The following LRRC7 variants were observed in gnomAD, a reference collection of about 807,000 sequenced individuals.
LRRC7 encodes leucine rich repeat containing 7.
Under a neutral mutation model 175.7 loss-of-function variants are expected in LRRC7, and 23 were observed. That is an observed-to-expected ratio of 0.13 (90% confidence interval 0.09 to 0.19). The LOEUF is 0.19. Ranked by LOEUF, LRRC7 falls within the 10% of genes least tolerant of loss-of-function variation. The pLI, the probability that LRRC7 is intolerant of heterozygous loss-of-function variation, is 1.00. For missense variants in LRRC7, 1,354 were observed against 1,904.7 expected, an observed-to-expected ratio of 0.71 and a Z score of 5.38; for synonymous variants, 685 against 680.9, an observed-to-expected ratio of 1.01 and a Z score of -0.09.
intron 1 of LRRC7, among the ~76,000 whole-genome samples, chr1:69,660,175 G>A (rs1657246953): frequency 6.6e-6 from 1 of 151,894 alleles, no homozygotes; most frequent in African/African-American, 2.4e-5. Flanking sequence ...CAGATAAGCA[G>A]ATTTTAAGGC....
intron 2 of LRRC7, among the ~76,000 whole-genome samples, chr1:69,718,143 AG>A (rs1443031872): frequency 4.3e-5 from 1 of 23,462 alleles, no homozygotes; most frequent in Non-Finnish European, 1.1e-4. Context: ...AGAAAGAGAG[AG>A]AAAGAAAGAA....
intron 7 of LRRC7, among the ~76,000 whole-genome samples, chr1:69,921,961 T>C (rs1430052001): frequency 1.3e-5 from 2 of 152,182 alleles, no homozygotes; most frequent in Non-Finnish European, 1.5e-5. Flanking sequence ...TTCTCACTCT[T>C]GTCCCCCAGG....
chr1:69,717,936 G>GAAAGAAAGA, intron 2 of LRRC7, among the ~76,000 whole-genome samples: 1 of 72,806 alleles, frequency 1.4e-5, no homozygotes, highest in Admixed American at 1.3e-4. Flanking sequence ...AGAAAAGAAA[G>GAAAGAAAGA]AAAGAAAGAA....
chr1:69,867,106 G>A (rs74087780), intron 7 of LRRC7, among the ~76,000 whole-genome samples: 3,518 of 152,006 alleles, frequency 0.023, 122 homozygotes, highest in African/African-American at 0.081. Flanking sequence ...TTTTATTTTC[G>A]TTCTGATTAT....
intron 1 of LRRC7, among the ~76,000 whole-genome samples, chr1:69,644,288 TTCTC>T (rs1654674447): frequency 6.6e-6 from 1 of 152,090 alleles, no homozygotes; most frequent in Non-Finnish European, 1.5e-5. Flanking sequence ...ATTTTTGTAT[TTCTC>T]TCTTTTTTTC....
intron 21 of LRRC7, among the ~76,000 whole-genome samples, chr1:70,041,696 G>A (rs1571146837): frequency 6.6e-6 from 1 of 152,206 alleles, no homozygotes; most frequent in Non-Finnish European, 1.5e-5. Flanking sequence ...AGTAATTTGA[G>A]GCAACAGAGG....
intron 1 of LRRC7, among the ~76,000 whole-genome samples, chr1:69,609,628 G>C (rs1569907053): frequency 6.6e-6 from 1 of 152,068 alleles, no homozygotes; most frequent in East Asian, 1.9e-4. Flanking sequence ...TGCTCAGCTG[G>C]TACATAGAAT....
chr1:69,740,404 C>A (rs144695397), intron 2 of LRRC7, among the ~76,000 whole-genome samples: 2 of 151,994 alleles, frequency 1.3e-5, no homozygotes, highest in Non-Finnish European at 2.9e-5. Flanking sequence ...GGGGCCTCAA[C>A]TTTGTGACCT....
intron 18 of LRRC7, among the ~76,000 whole-genome samples, chr1:70,031,851 T>C (rs1409097690): frequency 1.3e-5 from 2 of 151,298 alleles, no homozygotes; most frequent in Non-Finnish European, 2.9e-5. Context: ...CAGGCTGGAG[T>C]GCAGTGGTGC....
chr1:69,788,330 C>T (rs1282296244), intron 3 of LRRC7, among the ~76,000 whole-genome samples: 5 of 152,172 alleles, frequency 3.3e-5, no homozygotes, highest in African/African-American at 1.2e-4. Flanking sequence ...TCATTTTATA[C>T]AATAAAGCAG....
intron 2 of LRRC7, among the ~76,000 whole-genome samples, chr1:69,686,660 T>C (rs1383335467): frequency 1.3e-5 from 2 of 151,630 alleles, no homozygotes; most frequent in African/African-American, 4.8e-5. Flanking sequence ...ACCTAGAGGA[T>C]GTGAAGGAAA....
Position 69,934,497 on chromosome 1 carries a change from G to T in LRRC7, c.711+2927G>T, listed in dbSNP as rs1388299293. ...GAGAACATAATAGATATTTTGGCGG[G>T]GGGGGGGCGGGGGGTGGGGGGTTTT... On this transcript the variant is annotated intron_variant, in intron 8 of 26. Coordinates refer to ENST00000651989, the MANE Select transcript of LRRC7 (RefSeq NM_001370785.2). Among the ~76,000 whole-genome samples the T allele has an allele frequency of 5.7e-4, 58 of 100,920 alleles. 1 individual carries two copies. The highest frequency in any genetic ancestry group is 4.1e-3 in the East Asian group (10 of 2,428). 66.2% of individuals were successfully genotyped at this position (100,920 alleles called of 152,430 possible).
At chr1:69,698,923 C>T (rs1336998042) in intron 2 of LRRC7, among the ~76,000 whole-genome samples, 4 of 152,188 alleles carry the variant, frequency 2.6e-5, no homozygotes, top group Non-Finnish European at 5.9e-5. Flanking sequence ...CTGTAACTCT[C>T]TGTCTGTCTG....
Position 69,838,217 on chromosome 1 carries a change from A to C in LRRC7, c.591-10A>C, listed in dbSNP as rs776624843. On this transcript the variant is annotated splice_polypyrimidine_tract_variant and intron_variant, in intron 6 of 26. Transcript: ENST00000651989. ...TACTAAGAGGAAATTTTTAAAATTCATTTCTGTAGACTTGTCAAATTGCGG... is the reference window on the plus strand; with the variant it reads ...TACTAAGAGGAAATTTTTAAAATTCCTTTCTGTAGACTTGTCAAATTGCGG... 6.2e-7 allele frequency: 1 copy of C among 1,604,940 alleles called. No individual in the cohort carries two copies. The highest frequency in any genetic ancestry group is 1.7e-5 in the Admixed American group (1 of 59,480).
intron 22 of LRRC7, among the ~76,000 whole-genome samples, chr1:70,051,834 G>C (rs1247920526): frequency 1.3e-5 from 2 of 151,952 alleles, no homozygotes; most frequent in Non-Finnish European, 2.9e-5. Flanking sequence ...AAAAATGCTT[G>C]TGGTTAGAAT....
intron 10 of LRRC7, among the ~76,000 whole-genome samples, chr1:69,988,717 T>C (rs543030523): frequency 6.6e-6 from 1 of 152,254 alleles, no homozygotes; most frequent in Admixed American, 6.5e-5. Flanking sequence ...TGCGGAAAAC[T>C]ATGGCAAGTG....
intron 4 of LRRC7, among the ~76,000 whole-genome samples, chr1:69,812,603 C>A (rs1476894521): frequency 2.6e-5 from 4 of 151,958 alleles, no homozygotes; most frequent in East Asian, 3.9e-4. Flanking sequence ...ATATTGAAAT[C>A]TTATAAACAT....
chr1:69,670,037 G>C (rs1029598765), intron 1 of LRRC7, among the ~76,000 whole-genome samples: 3 of 152,024 alleles, frequency 2.0e-5, no homozygotes, highest in Non-Finnish European at 2.9e-5. Flanking sequence ...TGAATTATCT[G>C]TCTAAAGGTC....
intron 7 of LRRC7, among the ~76,000 whole-genome samples, chr1:69,918,532 C>G (rs563468551): frequency 6.6e-6 from 1 of 152,138 alleles, no homozygotes; most frequent in Non-Finnish European, 1.5e-5. Flanking sequence ...AACTGGCACA[C>G]GAACAAGAAA....
Sources: allele counts gnomAD v4.1 joint callset (sites outside exome capture counted in the v4.1 genomes callset), GRCh38; gene constraint gnomAD v4.1.1; transcripts MANE v1.5; gene names NCBI Gene and HGNC (gene_info 2026-07-23, HGNC 2026-07-21).